ERP44: variants seen among roughly 807,000 people sequenced by gnomAD.
ERP44 encodes the protein endoplasmic reticulum protein 44.
A neutral mutation model predicts 53.4 loss-of-function variants in ERP44; 25 were observed. That is an observed-to-expected ratio of 0.47 (90% confidence interval 0.34 to 0.65). The LOEUF (loss-of-function observed/expected upper bound fraction) is 0.65, where lower values mean the gene tolerates loss of function less well. ERP44 is among the 30% of genes least tolerant of loss of function. ERP44 has a pLI of 0.01. For missense variants in ERP44, 338 were observed against 493.2 expected (o/e 0.69, Z 2.98); for synonymous variants, 145 against 161.2 (o/e 0.90, Z 0.76).
chr9:99,987,338 GC>G (rs1250191635), intron 10 of ERP44, among the ~76,000 whole-genome samples: 1 of 152,152 alleles, frequency 6.6e-6, no homozygotes, highest in Non-Finnish European at 1.5e-5. Context: ...ATGGGCCCTT[GC>G]CATAATAAAT....
chr9:99,981,799 C>T lies in ERP44; in HGVS notation c.*813G>A, dbSNP rs1459534100. 6.6e-6 allele frequency: 1 copy of T among 152,214 alleles called. No homozygotes were observed. Among genetic ancestry groups the T allele is most frequent in the Non-Finnish European group, 1.5e-5 (1 of 68,046 alleles). 9.4% of individuals were successfully genotyped at this position (152,214 alleles called of 1,614,324 possible). A position where few individuals can be genotyped will look rare whatever the true frequency, so the allele number is the denominator to read the frequency against. ...AAATACAATTTCTCTGCTAGTTCTT[C>T]TCTTTGGAAATTGAAGTCTCATAAT... is the stretch of plus-strand genomic sequence containing the variant. On this transcript the variant is annotated 3_prime_UTR_variant, in exon 12 of 12. Coordinates refer to ENST00000262455, the MANE Select transcript of ERP44 (RefSeq NM_015051.3).
intron 4 of ERP44, among the ~76,000 whole-genome samples, chr9:100,037,636 G>A (rs558031720): frequency 3.6e-4 from 55 of 152,158 alleles, no homozygotes; most frequent in Middle Eastern, 3.4e-3. Flanking sequence ...ACTTTGTCTC[G>A]CATCTGGGAT....
At chr9:99,990,012 GACT>G (rs1830236870) in intron 10 of ERP44, among the ~76,000 whole-genome samples, 1 of 152,160 alleles carries the variant, frequency 6.6e-6, no homozygotes, top group Non-Finnish European at 1.5e-5. Flanking sequence ...AGAAATATGA[GACT>G]ACGTGAAAAG....
intron 10 of ERP44, among the ~76,000 whole-genome samples, chr9:99,999,765 T>C (rs1830358566): frequency 6.6e-6 from 1 of 152,334 alleles, no homozygotes; most frequent in Non-Finnish European, 1.5e-5. Context: ...CACACTAATG[T>C]CATGAAGCTT....
chr9:100,075,276 T>C (rs1826343798), intron 1 of ERP44, among the ~76,000 whole-genome samples: 2 of 152,258 alleles, frequency 1.3e-5, no homozygotes, highest in Admixed American at 6.5e-5. Context: ...TTTCATTACT[T>C]GAACAAATTA....
chr9:100,057,340 TA>T lies in ERP44; in HGVS notation c.170+479del, dbSNP rs376735538. 3.0e-3 allele frequency among the ~76,000 whole-genome samples: 459 copies of T among 152,320 alleles called. 1 individual carries two copies. The highest frequency in any genetic ancestry group is 4.4e-3 in the Non-Finnish European group (301 of 68,024). On this transcript the variant is annotated intron_variant, in intron 3 of 11. Transcript: ENST00000262455. ...ATCTCTGCCCTCAAAGTTTGTTTGCTAGGGCACAAACAAGAAAAGACAAAAC... is the reference window on the plus strand; with the variant it reads ...ATCTCTGCCCTCAAAGTTTGTTTGCTGGGCACAAACAAGAAAAGACAAAAC...
At chr9:100,029,094 G>C (rs749674470) in intron 4 of ERP44, among the ~76,000 whole-genome samples, 8 of 152,086 alleles carry the variant, frequency 5.3e-5, no homozygotes, top group Non-Finnish European at 1.0e-4. Context: ...GAAAACATAG[G>C]GGAAATGCTT....
intron 2 of ERP44, among the ~76,000 whole-genome samples, chr9:100,058,339 G>C (rs917348359): frequency 6.6e-6 from 1 of 152,154 alleles, no homozygotes; most frequent in African/African-American, 2.4e-5. Flanking sequence ...ACCTTCCAAA[G>C]TGCTGGGATT....
intron 10 of ERP44, among the ~76,000 whole-genome samples, chr9:99,998,125 G>A (rs1255153452): frequency 1.3e-5 from 2 of 152,222 alleles, no homozygotes; most frequent in African/African-American, 4.8e-5. Context: ...CTTAATTTAA[G>A]ACATGATCAC....
chr9:100,077,133 C>T (rs1484825990), intron 1 of ERP44, among the ~76,000 whole-genome samples: 3 of 152,200 alleles, frequency 2.0e-5, no homozygotes, highest in Admixed American at 6.5e-5. Context: ...CTGGAATAGA[C>T]ACTTACTCCA....
intron 1 of ERP44, among the ~76,000 whole-genome samples, chr9:100,093,088 T>G (rs1826579444): frequency 6.6e-6 from 1 of 152,194 alleles, no homozygotes; most frequent in South Asian, 2.1e-4. Flanking sequence ...AAACTTGAAA[T>G]AACCAGTAAC....
chr9:100,095,750 T>G (rs1161625584), intron 1 of ERP44, among the ~76,000 whole-genome samples: 2 of 152,042 alleles, frequency 1.3e-5, no homozygotes, highest in Non-Finnish European at 2.9e-5. Context: ...GTAAGTTAAA[T>G]CAACAAAATA....
At chr9:100,084,507 C>T (rs1826460829) in intron 1 of ERP44, among the ~76,000 whole-genome samples, 2 of 152,148 alleles carry the variant, frequency 1.3e-5, no homozygotes, top group South Asian at 2.1e-4. Flanking sequence ...ATATGAATTA[C>T]TTCATTACCT....
chr9:100,086,379 C>A (rs1826482752), intron 1 of ERP44, among the ~76,000 whole-genome samples: 1 of 152,160 alleles, frequency 6.6e-6, no homozygotes, highest in Admixed American at 6.5e-5. Flanking sequence ...CTAGACTTGA[C>A]TTTTAAAATT....
chr9:100,016,751 A>G (rs1830529647), intron 7 of ERP44, among the ~76,000 whole-genome samples: 1 of 152,230 alleles, frequency 6.6e-6, no homozygotes, highest in Non-Finnish European at 1.5e-5. Context: ...ATGAACCCAG[A>G]AAATCTACTG....
chr9:100,003,252 A>C (rs1830396039), intron 10 of ERP44, among the ~76,000 whole-genome samples: 2 of 152,180 alleles, frequency 1.3e-5, no homozygotes. Context: ...GTTACTTTTT[A>C]AAACAATTAT....
At chr9:100,058,229 C>T (rs1019513184) in intron 2 of ERP44, among the ~76,000 whole-genome samples, 1 of 152,144 alleles carries the variant, frequency 6.6e-6, no homozygotes, top group Admixed American at 6.5e-5. Context: ...GCAAACACCA[C>T]CACACCTGGC....
At chr9:99,996,192 C>G (rs994132697) in intron 10 of ERP44, among the ~76,000 whole-genome samples, 1 of 152,072 alleles carries the variant, frequency 6.6e-6, no homozygotes, top group Non-Finnish European at 1.5e-5. Flanking sequence ...AGGCAGATCC[C>G]TCATGAATGG....
At chr9:100,047,236 T>G (rs1268334812) in intron 4 of ERP44, among the ~76,000 whole-genome samples, 1 of 152,194 alleles carries the variant, frequency 6.6e-6, no homozygotes, top group African/African-American at 2.4e-5. Flanking sequence ...TTTTAAAAAC[T>G]GACAGTAAGA....
Sources: allele counts gnomAD v4.1 joint callset (sites outside exome capture counted in the v4.1 genomes callset), GRCh38; gene constraint gnomAD v4.1.1; transcripts MANE v1.5; gene names NCBI Gene and HGNC (gene_info 2026-07-23, HGNC 2026-07-21).